The following BTBD9 variants were observed in gnomAD, a reference collection of about 807,000 sequenced individuals.
BTBD9 encodes the protein BTB domain containing 9, also known as BTB/POZ domain-containing protein 9.
BTBD9 carries 49 observed loss-of-function variants against 64.3 expected under a neutral mutation model. That is an observed-to-expected ratio of 0.76 (90% confidence interval 0.61 to 0.97). The LOEUF (loss-of-function observed/expected upper bound fraction) is 0.97. BTBD9 is among the 50% of genes least tolerant of loss of function. The probability of loss-of-function intolerance (pLI) is 0.00; values close to 1 mark genes in which losing one functional copy is unlikely to be tolerated. For missense variants in BTBD9, 598 were observed against 762.1 expected (o/e 0.78, Z 2.53); for synonymous variants, 260 against 274.7 (o/e 0.95, Z 0.53).
chr6:38,610,919 G>T (rs771288692), intron 1 of BTBD9, among the ~76,000 whole-genome samples: 1 of 150,356 alleles, frequency 6.7e-6, no homozygotes, highest in Admixed American at 6.6e-5. Flanking sequence ...AACCGGGGTG[G>T]GGGGGGGACT....
intron 6 of BTBD9, among the ~76,000 whole-genome samples, chr6:38,513,264 G>C (rs1772855416): frequency 6.6e-6 from 1 of 152,022 alleles, no homozygotes; most frequent in South Asian, 2.1e-4. Context: ...TGATCAACGT[G>C]GTGAAACCCC....
chr6:38,413,911 G>T (rs1395401864), intron 6 of BTBD9, among the ~76,000 whole-genome samples: 1 of 152,130 alleles, frequency 6.6e-6, no homozygotes, highest in African/African-American at 2.4e-5. Context: ...GTAATAAGGT[G>T]TCTATTGATG....
At chr6:38,464,619 C>T (rs1329149470) in intron 6 of BTBD9, among the ~76,000 whole-genome samples, 3 of 152,092 alleles carry the variant, frequency 2.0e-5, no homozygotes, top group Non-Finnish European at 2.9e-5. Flanking sequence ...CCTTAGCCTC[C>T]CAAGGAGCTA....
Position 38,375,890 on chromosome 6 carries a change from G to GA in BTBD9, c.1155-30798dup, listed in dbSNP as rs143269156. On this transcript the variant is annotated intron_variant, in intron 6 of 10. Coordinates refer to ENST00000481247, the MANE Select transcript of BTBD9 (RefSeq NM_001099272.2). ...TGAGTCTACAAACAAAAGAAAGAAAGAAAAGAAAGAAAGAAAGAAAGAAAG... is the reference window on the plus strand; with the variant it reads ...TGAGTCTACAAACAAAAGAAAGAAAGAAAAAGAAAGAAAGAAAGAAAGAAAG... Among the ~76,000 whole-genome samples, 225 of 50,322 alleles carry GA rather than the reference G, an allele frequency of 4.5e-3. 2 individuals are homozygous for GA. Among genetic ancestry groups the GA allele is most frequent in the African/African-American group, 0.012 (212 of 17,118 alleles). The allele number at this position is 50,322 out of a possible 152,430, so 33.0% of individuals were successfully genotyped here.
chr6:38,435,173 A>C (rs1189572651), intron 6 of BTBD9, among the ~76,000 whole-genome samples: 1 of 142,086 alleles, frequency 7.0e-6, no homozygotes, highest in African/African-American at 2.7e-5. Context: ...TAGCCTGGGC[A>C]ACAGAGCAAG....
intron 1 of BTBD9, among the ~76,000 whole-genome samples, chr6:38,630,916 A>C (rs1040098205): frequency 1.3e-5 from 2 of 152,218 alleles, no homozygotes; most frequent in South Asian, 4.1e-4. Context: ...ATGCAGCCCA[A>C]TGTCACTGTA....
At chr6:38,479,798 G>A (rs1047106695) in intron 6 of BTBD9, among the ~76,000 whole-genome samples, 1 of 152,152 alleles carries the variant, frequency 6.6e-6, no homozygotes, top group East Asian at 1.9e-4. Context: ...GCGTGATCTC[G>A]GCTCACTGCA....
intron 7 of BTBD9, among the ~76,000 whole-genome samples, chr6:38,328,564 CGTGTGTGTGTGTGTGTGTGTGTGTGT>C (rs201357884): frequency 7.7e-6 from 1 of 130,408 alleles, no homozygotes; most frequent in African/African-American, 3.0e-5. Context: ...TTTAAGCCAC[CGTGTGTGTGTGTGTGTGTGTGTGTGT>C]GTGTGTGTGT....
At chr6:38,315,372 G>A (rs185909695) in intron 7 of BTBD9, among the ~76,000 whole-genome samples, 1 of 151,944 alleles carries the variant, frequency 6.6e-6, no homozygotes, top group Non-Finnish European at 1.5e-5. Context: ...TAAATCATTA[G>A]GTTGTTTATT....
At chr6:38,606,753 T>A (rs1777444094) in intron 1 of BTBD9, among the ~76,000 whole-genome samples, 1 of 152,208 alleles carries the variant, frequency 6.6e-6, no homozygotes, top group African/African-American at 2.4e-5. Flanking sequence ...CCTAGCATTT[T>A]TATATATATC....
chr6:38,234,469 G>A (rs1763713720), intron 9 of BTBD9, among the ~76,000 whole-genome samples: 1 of 152,158 alleles, frequency 6.6e-6, no homozygotes, highest in Non-Finnish European at 1.5e-5. Context: ...GCTCACACAT[G>A]TATTTTATAT....
chr6:38,392,874 GA>G (rs1427718985), intron 6 of BTBD9, among the ~76,000 whole-genome samples: 10 of 113,774 alleles, frequency 8.8e-5, no homozygotes, highest in African/African-American at 1.3e-4. Flanking sequence ...TTAAGACAAT[GA>G]TTTTTTTTTT....
chr6:38,243,860 T>A (rs1201321502), intron 9 of BTBD9, among the ~76,000 whole-genome samples: 1 of 152,126 alleles, frequency 6.6e-6, no homozygotes, highest in Non-Finnish European at 1.5e-5. Flanking sequence ...GACCCCTGAA[T>A]TCATAAAAAT....
chr6:38,301,119 A>G (rs922484925), intron 7 of BTBD9, among the ~76,000 whole-genome samples: 1 of 152,174 alleles, frequency 6.6e-6, no homozygotes, highest in African/African-American at 2.4e-5. Context: ...TGACATAATC[A>G]TGTAGTTTTC....
intron 8 of BTBD9, among the ~76,000 whole-genome samples, chr6:38,281,817 T>G (rs1561967417): frequency 6.6e-6 from 1 of 152,236 alleles, no homozygotes; most frequent in Non-Finnish European, 1.5e-5. Context: ...TTTACTATTA[T>G]TTGTTATTTA....
At chr6:38,363,532 T>C (rs558239015) in intron 6 of BTBD9, among the ~76,000 whole-genome samples, 1 of 152,252 alleles carries the variant, frequency 6.6e-6, no homozygotes, top group South Asian at 2.1e-4. Context: ...TGAGCTATGA[T>C]TGATTGCACC....
chr6:38,617,478 A>G (rs1278085369), intron 1 of BTBD9, among the ~76,000 whole-genome samples: 3 of 152,188 alleles, frequency 2.0e-5, no homozygotes, highest in Non-Finnish European at 4.4e-5. Context: ...AATTTGTAAC[A>G]TAAATTTCAG....
At chr6:38,606,369 C>A (rs1777433597) in intron 1 of BTBD9, among the ~76,000 whole-genome samples, 1 of 152,024 alleles carries the variant, frequency 6.6e-6, no homozygotes, top group African/African-American at 2.4e-5. Flanking sequence ...AAAAAAGGTT[C>A]CCACAATGAA....
intron 6 of BTBD9, among the ~76,000 whole-genome samples, chr6:38,512,363 C>T (rs1772814868): frequency 6.6e-6 from 1 of 152,188 alleles, no homozygotes; most frequent in Non-Finnish European, 1.5e-5. Context: ...ATACCAAACC[C>T]CATATGGTGA....
Sources: gnomAD v4.1 joint callset for allele counts (sites outside exome capture counted in the v4.1 genomes callset) on GRCh38, gnomAD v4.1.1 for gene constraint, MANE v1.5 for transcripts, NCBI Gene and HGNC (gene_info 2026-07-23, HGNC 2026-07-21) for gene names.